TRIM9: variants seen among roughly 807,000 people sequenced by gnomAD.
The protein encoded by TRIM9 is E3 ubiquitin-protein ligase TRIM9.
A neutral mutation model predicts 78.3 loss-of-function variants in TRIM9; 26 were observed. The ratio of observed to expected loss-of-function variants is 0.33; its 90% CI spans 0.24 to 0.46. The LOEUF (loss-of-function observed/expected upper bound fraction) is 0.46, where lower values mean the gene tolerates loss of function less well. TRIM9 is among the 20% of genes least tolerant of loss of function. The pLI, the probability that TRIM9 is intolerant of heterozygous loss-of-function variation, is 1.00. For missense variants in TRIM9, 787 were observed against 1,036.4 expected, an observed-to-expected ratio of 0.76 and a Z score of 3.30; for synonymous variants, 398 against 416.5, an observed-to-expected ratio of 0.96 and a Z score of 0.54.
chr14:51,080,058 A>G (rs1596322593), intron 1 of TRIM9, among the ~76,000 whole-genome samples: 1 of 152,162 alleles, frequency 6.6e-6, no homozygotes, highest in South Asian at 2.1e-4. Flanking sequence ...GTAGGAGTCA[A>G]CCAGACAGCC....
Position 50,982,942 on chromosome 14 carries a change from C to T in TRIM9, c.1858G>A (p.Val620Met). Residue 620 changes from valine to methionine, a missense_variant and splice_region_variant, in exon 10 of 13, where the codon GTG becomes ATG. Physicochemically the swap from Val to Met is conservative, Grantham distance 21 (BLOSUM62 1). This residue lies in a region of TRIM9 where 421 missense variants were observed against 514.3 expected (regional missense o/e 0.82). Coordinates refer to ENST00000684578, the MANE Select transcript of TRIM9 (RefSeq NM_001387360.1). Reference sequence around the variant, plus strand: ...GTAACAGAATAAGGTTATTCCATACCTGCCAACAGCTTTTTAATGTCAACT... The same window carrying T: ...GTAACAGAATAAGGTTATTCCATACTTGCCAACAGCTTTTTAATGTCAACT... ...QLVDIKKLLA[V>M]AWFAFDPGSA... The T allele has an allele frequency of 6.5e-7, 1 of 1,548,270 alleles. No homozygotes were observed.
chr14:51,084,351 C>A (rs4444245), intron 1 of TRIM9, among the ~76,000 whole-genome samples: 76,148 of 151,962 alleles, frequency 0.5, 20,099 homozygotes, highest in African/African-American at 0.66. Context: ...AAAAGTAGAG[C>A]AAATTCTATT....
At chr14:51,038,410 C>T (rs991803164) in intron 1 of TRIM9, among the ~76,000 whole-genome samples, 3 of 152,168 alleles carry the variant, frequency 2.0e-5, no homozygotes, top group Non-Finnish European at 4.4e-5. Flanking sequence ...AGAAACCTAA[C>T]ACACCTGAGA....
intron 6 of TRIM9, 85 bp from the exon 7 acceptor site, chr14:50,998,273 C>T: frequency 7.6e-7 from 1 of 1,310,654 alleles, no homozygotes; most frequent in South Asian, 1.3e-5. Context: ...TGGTTAGGAG[C>T]AAGAGCCCTG....
chr14:51,079,436 A>C (rs1288530677), intron 1 of TRIM9, among the ~76,000 whole-genome samples: 1 of 152,198 alleles, frequency 6.6e-6, no homozygotes, highest in East Asian at 1.9e-4. Context: ...TTTCATTTCC[A>C]TGGTGGCTAT....
intron 1 of TRIM9, among the ~76,000 whole-genome samples, chr14:51,049,994 C>T (rs117387411): frequency 6.6e-6 from 1 of 152,108 alleles, no homozygotes; most frequent in East Asian, 1.9e-4. Flanking sequence ...AGCTAAATCA[C>T]ATAGGGATTT....
chr14:51,000,379 T>C (rs1248744659), intron 6 of TRIM9, among the ~76,000 whole-genome samples: 22 of 152,098 alleles, frequency 1.4e-4, no homozygotes, highest in Non-Finnish European at 2.9e-4. Context: ...ACCTGAAGAC[T>C]CAAAGGGGTG....
intron 1 of TRIM9, among the ~76,000 whole-genome samples, chr14:51,029,894 G>C (rs1415065530): frequency 6.6e-6 from 1 of 152,098 alleles, no homozygotes; most frequent in African/African-American, 2.4e-5. Context: ...CACCCTCACA[G>C]GCCAAAACAA....
chr14:51,045,573 G>A (rs1045603771), intron 1 of TRIM9, among the ~76,000 whole-genome samples: 1 of 152,120 alleles, frequency 6.6e-6, no homozygotes, highest in Admixed American at 6.5e-5. Flanking sequence ...ATGATTCAAG[G>A]AACAATGTAG....
At chr14:51,088,791 G>C (rs2140359377) in intron 1 of TRIM9, among the ~76,000 whole-genome samples, 1 of 152,144 alleles carries the variant, frequency 6.6e-6, no homozygotes, top group East Asian at 1.9e-4. Context: ...CTGCTTCATT[G>C]AATCAAAAAC....
intron 1 of TRIM9, among the ~76,000 whole-genome samples, chr14:51,051,212 G>A (rs775807484): frequency 5.9e-5 from 9 of 152,272 alleles, no homozygotes; most frequent in Non-Finnish European, 7.4e-5. Context: ...GGAAACCTTC[G>A]TTGTTCCTGA....
intron 1 of TRIM9, among the ~76,000 whole-genome samples, chr14:51,038,372 G>GT (rs2059328951): frequency 6.6e-6 from 1 of 152,206 alleles, no homozygotes; most frequent in South Asian, 2.1e-4. Flanking sequence ...AAGTTGCTAA[G>GT]TTTTTTGTAC....
intron 1 of TRIM9, among the ~76,000 whole-genome samples, chr14:51,035,008 T>A (rs568191369): frequency 6.6e-6 from 1 of 152,224 alleles, no homozygotes; most frequent in South Asian, 2.1e-4. Context: ...GTAACATATT[T>A]AGTCATATGG....
At chr14:51,058,390 C>G (rs1231906043) in intron 1 of TRIM9, among the ~76,000 whole-genome samples, 1 of 152,218 alleles carries the variant, frequency 6.6e-6, no homozygotes, top group Non-Finnish European at 1.5e-5. Flanking sequence ...TAAATGAGAT[C>G]TAGTAGTATT....
intron 5 of TRIM9, among the ~76,000 whole-genome samples, chr14:51,001,425 T>C (rs2055015340): frequency 6.6e-6 from 1 of 151,976 alleles, no homozygotes; most frequent in South Asian, 2.1e-4. Context: ...GAGACGGGGT[T>C]TCACTGTGTT....
chr14:51,056,063 C>A (rs1382544886), intron 1 of TRIM9, among the ~76,000 whole-genome samples: 1 of 152,202 alleles, frequency 6.6e-6, no homozygotes, highest in Non-Finnish European at 1.5e-5. Flanking sequence ...ATACTTCACC[C>A]ATGTCTCTGA....
intron 1 of TRIM9, among the ~76,000 whole-genome samples, chr14:51,053,501 C>T (rs1372167064): frequency 3.3e-5 from 3 of 90,490 alleles, no homozygotes; most frequent in Non-Finnish European, 6.4e-5. Context: ...CTGATCAGAA[C>T]AGGTATTCTT....
rs1272105649 is a variant in TRIM9 at position 51,025,268 on chromosome 14, G to C, written c.915C>G (p.Ile305Met). Residue 305 changes from isoleucine to methionine, a missense_variant, in exon 2 of 13, where the codon ATC (isoleucine) becomes ATG (methionine). Ile to Met is a conservative substitution (Grantham distance 10). Around this residue, in one of 3 missense-constraint regions of TRIM9, gnomAD observed 352 missense variants for 472.3 expected, o/e 0.75. Transcript: ENST00000684578. ...GCGTCCCAGGTAACACCCATACCTG[G>C]ATCTGCTGGACCATGTTGCGCAGCT... Reference protein sequence around the residue: ...LVQLRNMVQQIQENSVEFEAC... With the variant: ...LVQLRNMVQQMQENSVEFEAC... The C allele has an allele frequency of 9.9e-6, 16 of 1,614,014 alleles. No individual in the cohort carries two copies. The highest frequency in any genetic ancestry group is 1.4e-5 in the Non-Finnish European group (16 of 1,180,018).
In TRIM9 at chr14:51,094,074, A is replaced by G. The variant is rs199555272; in HGVS notation, c.822+44T>C. The G allele has an allele frequency of 9.1e-5, 142 of 1,562,322 alleles. 1 individual carries two copies. In the East Asian group the frequency reaches 3.0e-3, roughly 33 times the overall value. ...GGACCGTCTGCTGCAAAACCGGATG[A>G]TCGGAGACGCAGGGAGTTAGGAGTG... is the stretch of plus-strand genomic sequence containing the variant. On this transcript the variant is annotated intron_variant, in intron 1 of 12. Transcript: ENST00000684578.
Sources: allele counts gnomAD v4.1 joint callset (sites outside exome capture counted in the v4.1 genomes callset), GRCh38; gene constraint gnomAD v4.1.1; regional missense constraint gnomAD v4.1.1; transcripts MANE v1.5; gene names NCBI Gene and HGNC (gene_info 2026-07-23, HGNC 2026-07-21).